LMNTD1: variants seen among roughly 807,000 people sequenced by gnomAD.
LMNTD1 encodes lamin tail domain-containing protein 1.
LMNTD1 carries 35 observed loss-of-function variants against 50.9 expected under a neutral mutation model. The ratio of observed to expected loss-of-function variants is 0.69; its 90% CI spans 0.53 to 0.91. The LOEUF (loss-of-function observed/expected upper bound fraction) is 0.91, where lower values mean the gene tolerates loss of function less well. Among genes scored for constraint, LMNTD1 ranks in the 40% least tolerant of loss-of-function variants. The probability of loss-of-function intolerance (pLI) is 0.00; values close to 1 mark genes in which losing one functional copy is unlikely to be tolerated. For missense variants in LMNTD1, 470 were observed against 475.5 expected, an observed-to-expected ratio of 0.99 and a Z score of 0.11; for synonymous variants, 153 against 161.9, an observed-to-expected ratio of 0.94 and a Z score of 0.42.
chr12:25,597,243 CAT>C (rs1053840318), intron 1 of LMNTD1, among the ~76,000 whole-genome samples: 1 of 151,816 alleles, frequency 6.6e-6, no homozygotes, highest in African/African-American at 2.4e-5. Flanking sequence ...AATCGAAAGA[CAT>C]AGAGTGGCTG....
intron 4 of LMNTD1, among the ~76,000 whole-genome samples, chr12:25,545,640 T>C (rs927749084): frequency 2.8e-4 from 43 of 151,726 alleles, no homozygotes; most frequent in African/African-American, 1.0e-3. Flanking sequence ...TAGTAGGTAC[T>C]GAATGAAGGA....
Position 25,493,414 on chromosome 12 carries a change from C to T in LMNTD1, c.*22+10324G>A, listed in dbSNP as rs903002613. ...GTTGAGGGGTCCTACAAAGGTGGTGCGAGGAATTAAGAGTTAATTTATAAT... is the reference window on the plus strand; with the variant it reads ...GTTGAGGGGTCCTACAAAGGTGGTGTGAGGAATTAAGAGTTAATTTATAAT... On this transcript the variant is annotated intron_variant, in intron 9 of 9. Coordinates refer to ENST00000458174, the MANE Select transcript of LMNTD1 (RefSeq NM_001145728.2). Among the ~76,000 whole-genome samples the T allele has an allele frequency of 3.9e-5, 6 of 152,064 alleles. No individual in the cohort carries two copies. The East Asian group carries it at 5.8e-4, about 15-fold the overall frequency.
At chr12:25,641,636 A>G (rs1350220238) in intron 1 of LMNTD1, among the ~76,000 whole-genome samples, 1 of 152,184 alleles carries the variant, frequency 6.6e-6, no homozygotes, top group African/African-American at 2.4e-5. Flanking sequence ...AAGTAATATA[A>G]TAACTGCTTG....
At chr12:25,506,560 A>T (rs1381323091) in intron 8 of LMNTD1, among the ~76,000 whole-genome samples, 1 of 152,046 alleles carries the variant, frequency 6.6e-6, no homozygotes, top group African/African-American at 2.4e-5. Context: ...AGCTAATCAG[A>T]GCAAGAAGAA....
At chr12:25,596,128 C>G (rs1200795507) in intron 1 of LMNTD1, among the ~76,000 whole-genome samples, 1 of 151,968 alleles carries the variant, frequency 6.6e-6, no homozygotes, top group Non-Finnish European at 1.5e-5. Flanking sequence ...GATCCTGGAC[C>G]AGATGGATTC....
intron 4 of LMNTD1, among the ~76,000 whole-genome samples, chr12:25,527,607 C>T (rs1475218826): frequency 7.6e-6 from 1 of 131,204 alleles, no homozygotes; most frequent in Non-Finnish European, 1.6e-5. Context: ...ATAATAATAA[C>T]AATACCACTT....
intron 1 of LMNTD1, among the ~76,000 whole-genome samples, chr12:25,576,784 GGTATTGCCTA>G (rs1158273227): frequency 1.3e-5 from 2 of 152,058 alleles, no homozygotes; most frequent in African/African-American, 4.8e-5. Flanking sequence ...TGTCCTGAAT[GGTATTGCCTA>G]GGTTTTTTTC....
chr12:25,531,326 T>A (rs1565980709), intron 4 of LMNTD1, among the ~76,000 whole-genome samples: 1 of 152,228 alleles, frequency 6.6e-6, no homozygotes, highest in Non-Finnish European at 1.5e-5. Context: ...TAATTTGTTA[T>A]GGCAGCAATA....
intron 9 of LMNTD1, among the ~76,000 whole-genome samples, chr12:25,478,526 A>G (rs1054702879): frequency 3.3e-5 from 5 of 152,338 alleles, no homozygotes; most frequent in African/African-American, 1.2e-4. Flanking sequence ...GGCTCATGCC[A>G]GTAATCCTAG....
chr12:25,483,033 C>A (rs1309547780), intron 9 of LMNTD1, among the ~76,000 whole-genome samples: 1 of 151,994 alleles, frequency 6.6e-6, no homozygotes, highest in Non-Finnish European at 1.5e-5. Context: ...CTTTAGGGTA[C>A]TTGCTCATCA....
intron 9 of LMNTD1, among the ~76,000 whole-genome samples, chr12:25,490,223 A>G (rs558688218): frequency 5.9e-5 from 9 of 152,364 alleles, no homozygotes; most frequent in South Asian, 4.1e-4. Context: ...AAACTATGGA[A>G]AATGACAGAT....
At chr12:25,637,732 A>G (rs1946865580) in intron 1 of LMNTD1, among the ~76,000 whole-genome samples, 1 of 152,172 alleles carries the variant, frequency 6.6e-6, no homozygotes, top group African/African-American at 2.4e-5. Context: ...CAATTCAACA[A>G]TAAAAAGACA....
intron 6 of LMNTD1, among the ~76,000 whole-genome samples, chr12:25,521,301 CG>C (rs1249536646): frequency 6.6e-6 from 1 of 152,116 alleles, no homozygotes; most frequent in Non-Finnish European, 1.5e-5. Context: ...CAAAGGACCA[CG>C]TCAAGGAGCT....
intron 3 of LMNTD1, among the ~76,000 whole-genome samples, chr12:25,548,163 A>C (rs1943544406): frequency 6.6e-6 from 1 of 151,858 alleles, no homozygotes; most frequent in African/African-American, 2.4e-5. Flanking sequence ...TACTTGTCAT[A>C]CAAAAAATGA....
intron 8 of LMNTD1, among the ~76,000 whole-genome samples, chr12:25,506,967 C>T (rs1939834156): frequency 6.6e-6 from 1 of 152,052 alleles, no homozygotes; most frequent in Non-Finnish European, 1.5e-5. Context: ...GCAACCTCCA[C>T]CTCCCGGGTT....
upstream of LMNTD1, among the ~76,000 whole-genome samples, chr12:25,554,675 T>C (rs1943959611): frequency 2.6e-5 from 4 of 152,220 alleles, no homozygotes; most frequent in South Asian, 8.3e-4. Context: ...CCAGAGATGC[T>C]AGACTTTCCA....
At chr12:25,583,643 T>C (rs1311675526) in intron 1 of LMNTD1, among the ~76,000 whole-genome samples, 1 of 152,212 alleles carries the variant, frequency 6.6e-6, no homozygotes, top group African/African-American at 2.4e-5. Flanking sequence ...CCTGGGTTAA[T>C]GCACCAGCCT....
chr12:25,620,375 A>AATT (rs1946445157), intron 1 of LMNTD1, among the ~76,000 whole-genome samples: 1 of 152,106 alleles, frequency 6.6e-6, no homozygotes, highest in African/African-American at 2.4e-5. Context: ...AAAATTATAA[A>AATT]ATATACTTTT....
Position 25,503,803 on chromosome 12 carries a change from G to C in LMNTD1, c.1190-3C>G. The C allele has an allele frequency of 6.5e-7, 1 of 1,547,724 alleles. No homozygotes were observed. Among genetic ancestry groups the C allele is most frequent in the Non-Finnish European group, 8.8e-7 (1 of 1,133,918 alleles). ...AGATGTCTTCTTTTTCTTAGACCCT[G>C]AAAATTAAAAAAAATAATTAAAAAA... On this transcript the variant is annotated splice_polypyrimidine_tract_variant and splice_region_variant and intron_variant, in intron 8 of 9. Transcript: ENST00000458174.
Sources: gnomAD v4.1 joint callset for allele counts (sites outside exome capture counted in the v4.1 genomes callset) on GRCh38, gnomAD v4.1.1 for gene constraint, MANE v1.5 for transcripts, NCBI Gene and HGNC (gene_info 2026-07-23, HGNC 2026-07-21) for gene names.